The following PITPNC1 variants were observed in gnomAD, a reference collection of about 807,000 sequenced individuals.
PITPNC1 encodes the protein phosphatidylinositol transfer protein cytoplasmic 1, also known as cytoplasmic phosphatidylinositol transfer protein 1.
Under a neutral mutation model 44.7 loss-of-function variants are expected in PITPNC1, and 18 were observed. The ratio of observed to expected loss-of-function variants is 0.40; its 90% CI spans 0.28 to 0.60. PITPNC1 has a LOEUF of 0.60. PITPNC1 is among the 20% of genes least tolerant of loss of function. The probability of loss-of-function intolerance (pLI) is 0.39; values close to 1 mark genes in which losing one functional copy is unlikely to be tolerated. For missense variants in PITPNC1, 290 were observed against 418.4 expected (o/e 0.69, Z 2.68); for synonymous variants, 141 against 149.6 (o/e 0.94, Z 0.42).
intron 4 of PITPNC1, among the ~76,000 whole-genome samples, chr17:67,562,847 C>T (rs1015606334): frequency 1.3e-5 from 2 of 152,082 alleles, no homozygotes; most frequent in African/African-American, 4.8e-5. Context: ...GCCTTCCAAG[C>T]GTGGGGTAAA....
At chr17:67,568,996 C>T (rs1469461513) in intron 4 of PITPNC1, among the ~76,000 whole-genome samples, 11 of 152,064 alleles carry the variant, frequency 7.2e-5, no homozygotes, top group East Asian at 3.9e-4. Context: ...CCAGAAGTTT[C>T]GCACTTCCTG....
chr17:67,396,085 A>G (rs1474669684), intron 1 of PITPNC1, among the ~76,000 whole-genome samples: 5 of 152,184 alleles, frequency 3.3e-5, no homozygotes, highest in Admixed American at 3.3e-4. Context: ...TACTGCAGAT[A>G]TGGGCATACT....
intron 1 of PITPNC1, among the ~76,000 whole-genome samples, chr17:67,416,272 C>T (rs1204501834): frequency 5.6e-5 from 7 of 125,264 alleles, no homozygotes; most frequent in African/African-American, 2.2e-4. Context: ...TGCAGTGGTG[C>T]AATCTCGGCT....
At chr17:67,686,258 G>A (rs548232426) in intron 8 of PITPNC1, among the ~76,000 whole-genome samples, 29 of 148,540 alleles carry the variant, frequency 2.0e-4, no homozygotes, top group Non-Finnish European at 4.2e-4. Context: ...TAGTGTCCCT[G>A]GAATCTGCAC....
At chr17:67,380,445 C>T (rs765863170) in intron 1 of PITPNC1, among the ~76,000 whole-genome samples, 1 of 152,128 alleles carries the variant, frequency 6.6e-6, no homozygotes. Context: ...ATTATAAATT[C>T]TTTAATGTAT....
At chr17:67,430,756 T>C (rs1428578237) in intron 1 of PITPNC1, among the ~76,000 whole-genome samples, 1 of 150,406 alleles carries the variant, frequency 6.6e-6, no homozygotes, top group Non-Finnish European at 1.5e-5. Flanking sequence ...GAGTTCAAGA[T>C]CAGCCTGGGC....
chr17:67,634,016 T>C (rs925261645), intron 6 of PITPNC1, among the ~76,000 whole-genome samples: 1 of 152,244 alleles, frequency 6.6e-6, no homozygotes, highest in Non-Finnish European at 1.5e-5. Flanking sequence ...GTCTCATTTC[T>C]AGTCAACGTG....
chr17:67,517,878 A>AT (rs1289780491), intron 1 of PITPNC1, among the ~76,000 whole-genome samples: 7 of 152,210 alleles, frequency 4.6e-5, no homozygotes, highest in Non-Finnish European at 8.8e-5. Context: ...CGAATTGCAT[A>AT]TTTTTTTTAA....
intron 1 of PITPNC1, among the ~76,000 whole-genome samples, chr17:67,444,896 CA>C (rs140177652): frequency 1.3e-5 from 2 of 149,734 alleles, no homozygotes; most frequent in East Asian, 1.9e-4. Context: ...GACTCGGTCT[CA>C]AAAAAAAAGA....
chr17:67,528,015 A>G (rs2040412453), intron 1 of PITPNC1, among the ~76,000 whole-genome samples: 1 of 152,018 alleles, frequency 6.6e-6, no homozygotes, highest in Non-Finnish European at 1.5e-5. Context: ...AATTTTTTAA[A>G]TTATTTATTT....
At chr17:67,648,737 G>A (rs2042177994) in intron 6 of PITPNC1, among the ~76,000 whole-genome samples, 1 of 152,092 alleles carries the variant, frequency 6.6e-6, no homozygotes. Context: ...CCTTCCCTAG[G>A]CCCTATGTGG....
At chr17:67,462,006 G>C (rs2039344442) in intron 1 of PITPNC1, among the ~76,000 whole-genome samples, 1 of 152,028 alleles carries the variant, frequency 6.6e-6, no homozygotes, top group Non-Finnish European at 1.5e-5. Context: ...GTTTCTGGAA[G>C]GGCTTCTGCT....
intron 1 of PITPNC1, among the ~76,000 whole-genome samples, chr17:67,456,474 TC>T (rs1395533694): frequency 6.6e-6 from 1 of 152,158 alleles, no homozygotes; most frequent in African/African-American, 2.4e-5. Context: ...GCTTTCTATT[TC>T]CCATACTTTT....
rs370882145 is a variant in PITPNC1 at position 67,640,828 on chromosome 17, A to G, written c.462+8590A>G. On this transcript the variant is annotated intron_variant, in intron 6 of 8. Transcript: ENST00000581322. The stretch of plus-strand genomic sequence containing the variant: ...AACATGGTGAAAACCCATCTCTACT[A>G]AAATACAAAAAATTAGCCGGGTGTG... 4.0e-4 allele frequency among the ~76,000 whole-genome samples: 61 copies of G among 151,686 alleles called. No homozygotes were observed. In the East Asian group the frequency reaches 6.8e-3, roughly 17 times the overall value.
intron 4 of PITPNC1, among the ~76,000 whole-genome samples, chr17:67,575,835 CTTCCTTCT>C (rs2041137431): frequency 4.3e-3 from 413 of 95,046 alleles, no homozygotes; most frequent in African/African-American, 0.012. Context: ...TCCTTCCTTC[CTTCCTTCT>C]TTCTTTCTTT....
chr17:67,428,538 GA>G lies in PITPNC1; in HGVS notation c.48+50350del, dbSNP rs1218683922. The stretch of plus-strand genomic sequence containing the variant: ...ACAGAGTGAGACCCTATCTCAAAAA[GA>G]AAAAAAAAAAAAAGAAAGAAAGAAA... On this transcript the variant is annotated intron_variant, in intron 1 of 8. Coordinates refer to ENST00000581322, the MANE Select transcript of PITPNC1 (RefSeq NM_012417.4). Among the ~76,000 whole-genome samples the G allele has an allele frequency of 9.8e-3, 878 of 89,522 alleles. 5 individuals are homozygous for G. Among genetic ancestry groups the G allele is most frequent in the African/African-American group, 0.029 (699 of 24,354 alleles). The allele number at this position is 89,522 out of a possible 152,430, so 58.7% of individuals were successfully genotyped here.
intron 1 of PITPNC1, among the ~76,000 whole-genome samples, chr17:67,398,211 C>G (rs935890320): frequency 2.0e-5 from 3 of 151,898 alleles, no homozygotes; most frequent in Non-Finnish European, 4.4e-5. Context: ...ATCATTGTAA[C>G]TAGGCCCAAA....
chr17:67,550,941 G>A (rs575165042), intron 2 of PITPNC1, among the ~76,000 whole-genome samples: 2 of 152,166 alleles, frequency 1.3e-5, no homozygotes, highest in Non-Finnish European at 2.9e-5. Flanking sequence ...GGCGCCTGTA[G>A]TCCCAGCTAC....
At chr17:67,674,990 G>A (rs1487612501) in intron 7 of PITPNC1, among the ~76,000 whole-genome samples, 2 of 141,194 alleles carry the variant, frequency 1.4e-5, no homozygotes, top group Admixed American at 7.6e-5. Flanking sequence ...CCAGCTTGGC[G>A]ACAGAGTAAG....
Sources: gnomAD v4.1 joint callset for allele counts (sites outside exome capture counted in the v4.1 genomes callset) on GRCh38, gnomAD v4.1.1 for gene constraint, MANE v1.5 for transcripts, NCBI Gene and HGNC (gene_info 2026-07-23, HGNC 2026-07-21) for gene names.